RAB11FIP3: variants seen among roughly 807,000 people sequenced by gnomAD.
RAB11FIP3 encodes the protein RAB11 family interacting protein 3, also known as rab11 family-interacting protein 3.
In RAB11FIP3, 17 loss-of-function variants were observed where a neutral mutation model predicts 77.8. The ratio of observed to expected loss-of-function variants is 0.22; its 90% CI spans 0.15 to 0.33. RAB11FIP3 has a LOEUF of 0.33. RAB11FIP3 is among the 10% of genes least tolerant of loss of function. The pLI, the probability that RAB11FIP3 is intolerant of heterozygous loss-of-function variation, is 1.00. For synonymous variants in RAB11FIP3, 437 were observed against 448.2 expected, an observed-to-expected ratio of 0.98 and a Z score of 0.31; for missense variants, 1,005 against 1,011.2, an observed-to-expected ratio of 0.99 and a Z score of 0.08.
intron 3 of RAB11FIP3, among the ~76,000 whole-genome samples, chr16:475,324 A>C (rs560954593): frequency 3.3e-5 from 5 of 152,366 alleles, no homozygotes; most frequent in Non-Finnish European, 7.3e-5. Flanking sequence ...TTGATTTTCA[A>C]GCGAGTTCAT....
Position 497,939 on chromosome 16 carries a change from CAAA to C in RAB11FIP3, c.1301+1094_1301+1096del, listed in dbSNP as rs747783090. ...GCAACTTAGTGAAACCCTGTCTCTACAAAAAAAAAAAAAAAATTAAAAATTAAA... is the reference window on the plus strand; with the variant it reads ...GCAACTTAGTGAAACCCTGTCTCTACAAAAAAAAAAAAATTAAAAATTAAA... On this transcript the variant is annotated intron_variant, in intron 6 of 13. Coordinates refer to ENST00000262305, the MANE Select transcript of RAB11FIP3 (RefSeq NM_014700.4). Among the ~76,000 whole-genome samples, 7 of 46,136 alleles carry C rather than the reference CAAA, an allele frequency of 1.5e-4. No homozygotes were observed. The East Asian group carries it at 4.6e-3, about 30-fold the overall frequency. 30.3% of individuals were successfully genotyped at this position (46,136 alleles called of 152,430 possible).
chr16:481,611 C>T (rs1377698143), intron 3 of RAB11FIP3, among the ~76,000 whole-genome samples: 4 of 119,562 alleles, frequency 3.3e-5, no homozygotes, highest in Non-Finnish European at 5.3e-5. Context: ...CAAGCTCCTC[C>T]GTCAGTCTCT....
chr16:483,500 A>G (rs1319415393), intron 4 of RAB11FIP3, among the ~76,000 whole-genome samples: 2 of 152,176 alleles, frequency 1.3e-5, no homozygotes, highest in Non-Finnish European at 2.9e-5. Context: ...ACAGCACACC[A>G]CATTCCAGCC....
At chr16:503,847 T>A (rs2031664014) in intron 7 of RAB11FIP3, among the ~76,000 whole-genome samples, 1 of 151,748 alleles carries the variant, frequency 6.6e-6, no homozygotes, top group African/African-American at 2.4e-5. Flanking sequence ...ACGACTGCAC[T>A]CCAGCCTGGG....
chr16:502,330 T>C (rs902864096), intron 6 of RAB11FIP3, among the ~76,000 whole-genome samples: 12 of 152,178 alleles, frequency 7.9e-5, no homozygotes, highest in African/African-American at 2.7e-4. Context: ...CTCAGGACCA[T>C]GAGGCTGTGT....
intron 2 of RAB11FIP3, among the ~76,000 whole-genome samples, chr16:463,564 G>A (rs910328655): frequency 6.6e-6 from 1 of 150,390 alleles, no homozygotes; most frequent in Non-Finnish European, 1.5e-5. Context: ...TCAGCCTCCC[G>A]AGTACCTGGG....
intron 1 of RAB11FIP3, among the ~76,000 whole-genome samples, chr16:448,244 G>A (rs971140970): frequency 6.6e-6 from 1 of 151,748 alleles, no homozygotes; most frequent in Non-Finnish European, 1.5e-5. Context: ...TTGAAACCAT[G>A]AGGCAGAGGT....
chr16:445,421 A>G (rs2055298413), intron 1 of RAB11FIP3, among the ~76,000 whole-genome samples: 1 of 151,596 alleles, frequency 6.6e-6, no homozygotes, highest in East Asian at 1.9e-4. Context: ...CCTGGGTGAC[A>G]GAGCAAGACT....
chr16:448,893 C>A (rs1335365314), intron 1 of RAB11FIP3, among the ~76,000 whole-genome samples: 1 of 151,484 alleles, frequency 6.6e-6, no homozygotes, highest in Non-Finnish European at 1.5e-5. Context: ...CCAGCCTGGG[C>A]AACAAGAGTG....
chr16:498,285 C>T (rs1272676030), intron 6 of RAB11FIP3, among the ~76,000 whole-genome samples: 1 of 152,176 alleles, frequency 6.6e-6, no homozygotes, highest in Non-Finnish European at 1.5e-5. Context: ...TCCATCCTCC[C>T]ACCTCCTCCT....
intron 3 of RAB11FIP3, among the ~76,000 whole-genome samples, chr16:473,392 G>T (rs936844583): frequency 2.6e-5 from 4 of 152,190 alleles, no homozygotes; most frequent in Non-Finnish European, 4.4e-5. Context: ...TACAGAAAAT[G>T]GAACATAGTG....
intron 6 of RAB11FIP3, among the ~76,000 whole-genome samples, chr16:500,311 A>G (rs972330959): frequency 2.0e-5 from 3 of 152,180 alleles, no homozygotes; most frequent in Non-Finnish European, 2.9e-5. Flanking sequence ...CTTTTTCCAC[A>G]GCTCCCTCTC....
Position 437,892 on chromosome 16 carries a change from CTCTGCCTCCTGGGT to C in RAB11FIP3, c.714+11175_714+11188del, listed in dbSNP as rs893386847. Among the ~76,000 whole-genome samples the C allele has an allele frequency of 1.5e-3, 225 of 152,034 alleles. 2 individuals carry two copies. The highest frequency in any genetic ancestry group is 5.2e-3 in the African/African-American group (216 of 41,478). ...ATTCTTGGCCCATACCCACTGCAAC[CTCTGCCTCCTGGGT>C]TCAAGTGATTCTCCTGCCTTAGTCT... On this transcript the variant is annotated intron_variant, in intron 1 of 13. Coordinates refer to ENST00000262305, the MANE Select transcript of RAB11FIP3 (RefSeq NM_014700.4).
chr16:460,199 A>G (rs1325933667), intron 1 of RAB11FIP3, among the ~76,000 whole-genome samples: 1 of 152,142 alleles, frequency 6.6e-6, no homozygotes, highest in Non-Finnish European at 1.5e-5. Context: ...CTTAATTATA[A>G]GATTTCCTTA....
chr16:446,488 G>A (rs2055318900), intron 1 of RAB11FIP3, among the ~76,000 whole-genome samples: 1 of 152,170 alleles, frequency 6.6e-6, no homozygotes, highest in Non-Finnish European at 1.5e-5. Flanking sequence ...ACTGCCTGCA[G>A]ATCGGGTGGG....
chr16:472,848 A>G lies in RAB11FIP3; in HGVS notation c.903+1459A>G, dbSNP rs1401743138. 1.3e-5 allele frequency among the ~76,000 whole-genome samples: 2 copies of G among 152,150 alleles called. No homozygotes were observed. The highest frequency in any genetic ancestry group is 2.9e-5 in the Non-Finnish European group (2 of 68,026). ...GTAGTTCATTAAGGATCTCAAGGTG[A>G]TATCATGCTGGTTTGGGCCCTAAAT... On this transcript the variant is annotated intron_variant, in intron 3 of 13. Transcript: ENST00000262305. The surrounding 1 kb of genome is among the most constrained non-coding windows in gnomAD (Gnocchi z 4.1).
At chr16:494,142 G>A (rs1179396940) in intron 5 of RAB11FIP3, among the ~76,000 whole-genome samples, 269 of 127,002 alleles carry the variant, frequency 2.1e-3, no homozygotes, top group Middle Eastern at 9.9e-3. Flanking sequence ...GCCCGCCTCG[G>A]CCTCCCAAAG....
At chr16:450,373 T>C (rs1188043367) in intron 1 of RAB11FIP3, among the ~76,000 whole-genome samples, 2 of 152,140 alleles carry the variant, frequency 1.3e-5, no homozygotes, top group Admixed American at 6.6e-5. Flanking sequence ...TATTTTTGTA[T>C]TTTTGTTTCA....
intron 1 of RAB11FIP3, among the ~76,000 whole-genome samples, chr16:445,097 G>GCAT (rs2055289831): frequency 7.8e-6 from 1 of 127,482 alleles, no homozygotes; most frequent in Non-Finnish European, 1.6e-5. Flanking sequence ...CTGGGTGACA[G>GCAT]AGCGAGACTC....
Sources: gnomAD v4.1 joint callset for allele counts (sites outside exome capture counted in the v4.1 genomes callset) on GRCh38, gnomAD v4.1.1 for gene constraint, Gnocchi (gnomAD v3.1) non-coding constraint, MANE v1.5 for transcripts, NCBI Gene and HGNC (gene_info 2026-07-23, HGNC 2026-07-21) for gene names.